The following FBXL3 variants were observed in gnomAD, a reference collection of about 807,000 sequenced individuals.
The protein encoded by FBXL3 is F-box/LRR-repeat protein 3.
In FBXL3, 14 loss-of-function variants were observed where a neutral mutation model predicts 37.9. The observed-to-expected ratio is 0.37, with a 90% CI of 0.24 to 0.58. FBXL3 has a LOEUF of 0.58. Ranked by LOEUF, FBXL3 falls within the 20% of genes least tolerant of loss-of-function variation. The pLI, the probability that FBXL3 is intolerant of heterozygous loss-of-function variation, is 0.74. For missense variants in FBXL3, 327 were observed against 511.1 expected, an observed-to-expected ratio of 0.64 and a Z score of 3.47; for synonymous variants, 194 against 180.1, an observed-to-expected ratio of 1.08 and a Z score of -0.62.
In FBXL3 at chr13:77,007,534, A is replaced by C; in HGVS notation, c.898T>G (p.Phe300Val). Residue 300 changes from phenylalanine to valine, a missense_variant, in exon 5 of 5, where the codon TTT becomes GTT. Physicochemically the swap from Phe to Val is conservative, Grantham distance 50. Transcript: ENST00000355619. ...VMYFFLYEEE[F>V]DPFFRYEIPA... is the part of the protein sequence containing the mutation. The stretch of plus-strand genomic sequence containing the variant: ...ATTTCATAGCGAAAGAAGGGGTCAA[A>C]TTCTTCTTCATATAAAAAAAAATAC... The C allele has an allele frequency of 6.2e-7, 1 of 1,614,134 alleles. No homozygotes were observed. Among genetic ancestry groups the C allele is most frequent in the South Asian group, 1.1e-5 (1 of 91,080 alleles).
chr13:77,015,423 T>C lies in FBXL3; in HGVS notation c.629A>G (p.His210Arg), dbSNP rs2034625874. Residue 210 changes from histidine (H) to arginine (R), a missense_variant, in exon 4 of 5, where the codon CAT (histidine) becomes CGT (arginine). Physicochemically the swap from His to Arg is conservative, Grantham distance 29. Coordinates refer to ENST00000355619, the MANE Select transcript of FBXL3 (RefSeq NM_012158.4). ...LKLLKMSSCPHVSPAGILCVA... is the reference protein window; with the variant it reads ...LKLLKMSSCPRVSPAGILCVA... ...ACACAACATACCTGCTGGAGAGACA[T>C]GAGGACAGCTGCTCATTTTCAACAG... 1.9e-6 allele frequency: 3 copies of C among 1,579,410 alleles called. No homozygotes were observed. Among genetic ancestry groups the C allele is most frequent in the African/African-American group, 1.4e-5 (1 of 73,134 alleles).
rs558085532 is a variant in FBXL3, at chr13:77,021,902, T to G, written c.-1-41A>C. ...CATCAGTTTTTTTCCTACTCAACTTTTGAATAGAAATAAACTCAAAATTCA... is the reference window on the plus strand; with the variant it reads ...CATCAGTTTTTTTCCTACTCAACTTGTGAATAGAAATAAACTCAAAATTCA... On this transcript the variant is annotated intron_variant, in intron 1 of 4. Transcript: ENST00000355619. The G allele has an allele frequency of 3.4e-6, 5 of 1,482,802 alleles. No individual in the cohort carries two copies. In the Admixed American group the frequency reaches 1.0e-4, roughly 30 times the overall value. 91.9% of individuals were successfully genotyped at this position (1,482,802 alleles called of 1,614,324 possible).
Position 77,007,094 on chromosome 13 carries a change from TTAATTA to T in FBXL3, c.*45_*50del, listed in dbSNP as rs763008112. 2.6e-6 allele frequency: 4 copies of T among 1,521,742 alleles called. No individual in the cohort carries two copies. The South Asian group carries it at 5.2e-5, about 20-fold the overall frequency. The allele number at this position is 1,521,742 out of a possible 1,614,324, so 94.3% of individuals were successfully genotyped here. On this transcript the variant is annotated 3_prime_UTR_variant, in exon 5 of 5. Coordinates refer to ENST00000355619, the MANE Select transcript of FBXL3 (RefSeq NM_012158.4). ...TATCAGAACTACAGCAAATAAAACT[TTAATTA>T]TAATACATTTGCTTGAAATTAAGGT... is the stretch of plus-strand genomic sequence containing the variant.
chr13:77,007,034 A>G lies in FBXL3; in HGVS notation c.*111T>C, dbSNP rs890797220. The G allele has an allele frequency of 3.2e-5, 47 of 1,455,950 alleles. No homozygotes were observed. Among genetic ancestry groups the G allele is most frequent in the Non-Finnish European group, 3.7e-5 (41 of 1,111,520 alleles). The allele number at this position is 1,455,950 out of a possible 1,614,324, so 90.2% of individuals were successfully genotyped here. ...CAATCTTTACATATACTGACTGAAG[A>G]TATCAAATTTCTGTGCCACAAAATA... On this transcript the variant is annotated 3_prime_UTR_variant, in exon 5 of 5. Coordinates refer to ENST00000355619, the MANE Select transcript of FBXL3 (RefSeq NM_012158.4).
chr13:77,026,227 A>G (rs2034835694), intron 1 of FBXL3: 1 of 985,258 alleles, frequency 1.0e-6, no homozygotes, highest in Admixed American at 6.2e-5. Flanking sequence ...CCTGTCTGCA[A>G]CCCCACCTAA....
intron 1 of FBXL3, among the ~76,000 whole-genome samples, chr13:77,022,565 C>G (rs1303852645): frequency 6.6e-6 from 1 of 152,220 alleles, no homozygotes; most frequent in Non-Finnish European, 1.5e-5. Flanking sequence ...AAATCACCCC[C>G]TGCCACGGAC....
chr13:77,025,621 G>T (rs908978608), intron 1 of FBXL3, among the ~76,000 whole-genome samples: 2 of 148,160 alleles, frequency 1.3e-5, no homozygotes, highest in African/African-American at 5.0e-5. Context: ...CCTGGGGTGG[G>T]AGGATCGCTA....
At chr13:77,019,991 T>C (rs760479534) in intron 2 of FBXL3, among the ~76,000 whole-genome samples, 12 of 152,052 alleles carry the variant, frequency 7.9e-5, no homozygotes, top group Non-Finnish European at 1.8e-4. Context: ...ATCAGAGGAA[T>C]GTATTTGTAT....
At position 77,015,595 on chromosome 13, in the gene FBXL3, A is replaced by T. The variant is rs1221078363; in HGVS notation, c.472-15T>A. ...ATAAAGTGAGACTGAAAAGCAAAAA[A>T]AATAAAATAAAAATTATTTCAATTT... On this transcript the variant is annotated splice_polypyrimidine_tract_variant and intron_variant, in intron 3 of 4. Coordinates refer to ENST00000355619, the MANE Select transcript of FBXL3 (RefSeq NM_012158.4). The T allele has an allele frequency of 6.8e-7, 1 of 1,464,180 alleles. No individual in the cohort carries two copies. The highest frequency in any genetic ancestry group is 9.1e-7 in the Non-Finnish European group (1 of 1,101,868). The allele number at this position is 1,464,180 out of a possible 1,614,324, so 90.7% of individuals were successfully genotyped here. A position where few individuals can be genotyped will look rare whatever the true frequency, so the allele number is the denominator to read the frequency against.
At position 77,013,246 on chromosome 13, in the gene FBXL3, A is replaced by G. The variant is rs147991195; in HGVS notation, c.643+2163T>C. 145 of 152,304 alleles carry G rather than the reference A, an allele frequency of 9.5e-4. 1 individual carries two copies. Among genetic ancestry groups the G allele is most frequent in the African/African-American group, 3.2e-3 (135 of 41,554 alleles). 9.4% of individuals were successfully genotyped at this position (152,304 alleles called of 1,614,324 possible). A position where few individuals can be genotyped will look rare whatever the true frequency, so the allele number is the denominator to read the frequency against. On this transcript the variant is annotated intron_variant, in intron 4 of 4. Transcript: ENST00000355619. ...TCATTCCTGGGCATAGGCCGAATTA[A>G]CTTTGGGAAGGAATTCGGTTCACGG...
chr13:77,012,448 G>T (rs2034571354), intron 4 of FBXL3, among the ~76,000 whole-genome samples: 3 of 152,028 alleles, frequency 2.0e-5, no homozygotes, highest in Admixed American at 2.0e-4. Context: ...AGCAAAAAAG[G>T]TAAAAACAAG....
intron 4 of FBXL3, chr13:77,013,419 G>A (rs2034589016): frequency 6.6e-6 from 1 of 152,264 alleles, no homozygotes; most frequent in Admixed American, 6.5e-5. Context: ...GGCTCCAAGA[G>A]TCTGAACCTC....
rs1322983539 is a variant in FBXL3, at chr13:77,007,490, G to A, written c.942C>T (p.Tyr314=). Residue 314 remains tyrosine (Y), a synonymous_variant, in exon 5 of 5, where the codon TAC becomes TAT. Coordinates refer to ENST00000355619, the MANE Select transcript of FBXL3 (RefSeq NM_012158.4). ...FRYEIPATHL[Y]FGRSVSKDVL... is the part of the protein sequence containing the mutation. ...CATCTTTGCTTACTGATCTCCCAAA[G>A]TACAGATGGGTGGCAGGTATTTCAT... 6 of 1,613,980 alleles carry A rather than the reference G, an allele frequency of 3.7e-6. No individual in the cohort carries two copies. The Admixed American group carries it at 5.0e-5, about 13-fold the overall frequency.
chr13:77,023,308 C>G (rs2034777643), intron 1 of FBXL3, among the ~76,000 whole-genome samples: 1 of 151,862 alleles, frequency 6.6e-6, no homozygotes, highest in African/African-American at 2.4e-5. Flanking sequence ...CACCACCACA[C>G]CCGACTCTAT....
chr13:77,007,001 C>G lies in FBXL3; in HGVS notation c.*144G>C, dbSNP rs991758091. ...TGACCAAAACTCATTCATGGGTCTT[C>G]CGATAAACAATCTTTACATATACTG... On this transcript the variant is annotated 3_prime_UTR_variant, in exon 5 of 5. Transcript: ENST00000355619. 6 of 1,420,448 alleles carry G rather than the reference C, an allele frequency of 4.2e-6. No individual in the cohort carries two copies. The African/African-American group carries it at 8.6e-5, about 20-fold the overall frequency. 88.0% of individuals were successfully genotyped at this position (1,420,448 alleles called of 1,614,324 possible).
rs1320399349 is a variant in FBXL3 at position 77,015,390 on chromosome 13, A to G, written c.643+19T>C. 3 of 1,495,026 alleles carry G rather than the reference A, an allele frequency of 2.0e-6. No homozygotes were observed. The highest frequency in any genetic ancestry group is 2.9e-5 in the African/African-American group (2 of 70,120). 92.6% of individuals were successfully genotyped at this position (1,495,026 alleles called of 1,614,324 possible). On this transcript the variant is annotated intron_variant, in intron 4 of 4. Coordinates refer to ENST00000355619, the MANE Select transcript of FBXL3 (RefSeq NM_012158.4). ...CAATGCATTTTACTAAAATGTGTCT[A>G]GCAAAAAACACAACATACCTGCTGG...
At chr13:77,015,333 A>C in intron 4 of FBXL3, 76 bp downstream of exon 4, 3 of 1,043,122 alleles carry the variant, frequency 2.9e-6, no homozygotes, top group Non-Finnish European at 4.0e-6. Flanking sequence ...CTTCAAGGTT[A>C]ATGATCATAG....
rs532812450 is a variant in FBXL3 at position 77,015,341 on chromosome 13, T to C, written c.643+68A>G. ...AATCCACCTTCAAGGTTAATGATCATAGTTTTTTCTAATTTGAACATAGCA... is the reference window on the plus strand; with the variant it reads ...AATCCACCTTCAAGGTTAATGATCACAGTTTTTTCTAATTTGAACATAGCA... On this transcript the variant is annotated intron_variant, in intron 4 of 4. Coordinates refer to ENST00000355619, the MANE Select transcript of FBXL3 (RefSeq NM_012158.4). The C allele has an allele frequency of 1.9e-4, 215 of 1,150,578 alleles. 2 individuals carry two copies. In the African/African-American group the frequency reaches 2.3e-3, roughly 12 times the overall value. 71.3% of individuals were successfully genotyped at this position (1,150,578 alleles called of 1,614,324 possible).
At chr13:77,016,258 C>T (rs2034640984) in intron 3 of FBXL3, 1 of 152,232 alleles carries the variant, frequency 6.6e-6, no homozygotes, top group South Asian at 2.1e-4. Context: ...CATACACACA[C>T]ACACGTTATA....
Sources: gnomAD v4.1 joint callset for allele counts (sites outside exome capture counted in the v4.1 genomes callset) on GRCh38, gnomAD v4.1.1 for gene constraint, MANE v1.5 for transcripts, NCBI Gene and HGNC (gene_info 2026-07-23, HGNC 2026-07-21) for gene names.